GPATCH8: variants seen among roughly 807,000 people sequenced by gnomAD.
GPATCH8 encodes the protein G-patch domain containing 8.
In GPATCH8, 18 loss-of-function variants were observed where a neutral mutation model predicts 118.3. The ratio of observed to expected loss-of-function variants is 0.15; its 90% CI spans 0.11 to 0.23. GPATCH8 has a LOEUF of 0.23. GPATCH8 is among the 10% of genes least tolerant of loss of function. GPATCH8 has a pLI of 1.00. For synonymous variants in GPATCH8, 659 were observed against 684.7 expected (o/e 0.96, Z 0.59); for missense variants, 1,631 against 1,873.8 (o/e 0.87, Z 2.39).
rs771626221 is a variant in GPATCH8 at position 44,398,893 on chromosome 17, C to T, written c.3184G>A (p.Gly1062Ser). 1.2e-6 allele frequency: 2 copies of T among 1,614,130 alleles called. No homozygotes were observed. Among genetic ancestry groups the T allele is most frequent in the South Asian group, 2.2e-5 (2 of 91,082 alleles). Residue 1062 changes from glycine (G) to serine (S), a missense_variant, in exon 8 of 8, where the codon GGT (glycine) becomes AGT (serine). Gly to Ser is a moderately conservative substitution (Grantham distance 56). Coordinates refer to ENST00000591680, the MANE Select transcript of GPATCH8 (RefSeq NM_001002909.4). ...ATGTTGCTGTTCTGGGAAGGTGGAC[C>T]TGTTGCTTTACTGTCATCTCCTCTG... is the stretch of plus-strand genomic sequence containing the variant. ...DGRGDDSKATGPPSQNSNIGT... is the reference protein window; with the variant it reads ...DGRGDDSKATSPPSQNSNIGT...
At chr17:44,496,939 A>T (rs1439460028) in intron 1 of GPATCH8, among the ~76,000 whole-genome samples, 1 of 152,198 alleles carries the variant, frequency 6.6e-6, no homozygotes, top group African/African-American at 2.4e-5. Context: ...ATAAGTGGAA[A>T]ATTATTACAA....
chr17:44,404,661 TAGTA>T (rs759027012), intron 7 of GPATCH8, among the ~76,000 whole-genome samples: 1 of 152,046 alleles, frequency 6.6e-6, no homozygotes. Context: ...GTCACATAAA[TAGTA>T]AGAAAAATAT....
chr17:44,475,922 A>G (rs1967733079), intron 1 of GPATCH8, among the ~76,000 whole-genome samples: 3 of 152,020 alleles, frequency 2.0e-5, no homozygotes, highest in Non-Finnish European at 1.5e-5. Flanking sequence ...CCAGCTACTT[A>G]GGGGGCTGTG....
chr17:44,450,252 A>G (rs1240555493), intron 3 of GPATCH8, among the ~76,000 whole-genome samples: 1 of 152,228 alleles, frequency 6.6e-6, no homozygotes, highest in African/African-American at 2.4e-5. Flanking sequence ...TTTATCAATT[A>G]GAACATTTCA....
chr17:44,435,185 C>A, intron 4 of GPATCH8, 34 bp from the exon 5 acceptor site: 1 of 930,586 alleles, frequency 1.1e-6, no homozygotes, highest in Middle Eastern at 2.1e-4. Flanking sequence ...GATTTAATTC[C>A]TAAAGTACCC....
chr17:44,444,721 C>T (rs898251159), intron 3 of GPATCH8, among the ~76,000 whole-genome samples: 6 of 151,910 alleles, frequency 3.9e-5, no homozygotes, highest in African/African-American at 9.7e-5. Context: ...TGCAGTGAGC[C>T]GAGATCACAC....
chr17:44,398,637 A>C lies in GPATCH8; in HGVS notation c.3440T>G (p.Leu1147Arg). Residue 1147 changes from leucine to arginine, a missense_variant, in exon 8 of 8, where the codon CTG becomes CGG. Physicochemically the swap from Leu to Arg is moderately radical, Grantham distance 102 (BLOSUM62 -2). Around this residue, in one of 8 missense-constraint regions of GPATCH8, gnomAD observed 922 missense variants for 879.7 expected, o/e 1.05. Coordinates refer to ENST00000591680, the MANE Select transcript of GPATCH8 (RefSeq NM_001002909.4). ...TCGGGTAGCTGGGAGCTTCCCTATC[A>C]GTGGAAGGACAGGCTTATTGCCAAG... The part of the protein sequence containing the change: ...PSLGNKPVLP[L>R]IGKLPATRKP... 1 of 1,548,318 alleles carries C rather than the reference A, an allele frequency of 6.5e-7. No individual in the cohort carries two copies. The highest frequency in any genetic ancestry group is 1.3e-5 in the South Asian group (1 of 78,436).
At chr17:44,450,275 C>G (rs1479409788) in intron 3 of GPATCH8, among the ~76,000 whole-genome samples, 2 of 152,176 alleles carry the variant, frequency 1.3e-5, no homozygotes, top group African/African-American at 4.8e-5. Flanking sequence ...GAAAAGGAAT[C>G]TGAATTCCTG....
chr17:44,413,578 C>T (rs770294327), intron 6 of GPATCH8, among the ~76,000 whole-genome samples: 62 of 152,154 alleles, frequency 4.1e-4, no homozygotes, highest in African/African-American at 1.4e-3. Context: ...CGAGTTCAAG[C>T]GATTCTCCTG....
intron 5 of GPATCH8, among the ~76,000 whole-genome samples, chr17:44,426,479 C>T (rs757050933): frequency 2.0e-5 from 3 of 151,792 alleles, no homozygotes; most frequent in Non-Finnish European, 4.4e-5. Context: ...TGTCACTTGC[C>T]TTTGGTCCCA....
chr17:44,420,483 T>G (rs1472389708), intron 6 of GPATCH8, among the ~76,000 whole-genome samples: 1 of 152,192 alleles, frequency 6.6e-6, no homozygotes, highest in African/African-American at 2.4e-5. Context: ...TTACCAGCAT[T>G]GCTGGCCTCA....
chr17:44,395,798 T>C lies in GPATCH8; in HGVS notation c.*1770A>G, dbSNP rs1217489182. On this transcript the variant is annotated 3_prime_UTR_variant, in exon 8 of 8. Coordinates refer to ENST00000591680, the MANE Select transcript of GPATCH8 (RefSeq NM_001002909.4). The stretch of plus-strand genomic sequence containing the variant: ...TGTCAAGTGACCAACCAACCAATTC[T>C]AGCCACACGAATAGTTAGGAAAATG... 4.4e-6 allele frequency: 2 copies of C among 454,142 alleles called. No homozygotes were observed. Among genetic ancestry groups the C allele is most frequent in the Admixed American group, 2.3e-5 (1 of 42,582 alleles). 28.1% of individuals were successfully genotyped at this position (454,142 alleles called of 1,614,324 possible).
intron 6 of GPATCH8, among the ~76,000 whole-genome samples, chr17:44,415,538 A>G (rs1598434632): frequency 6.6e-6 from 1 of 152,300 alleles, no homozygotes; most frequent in South Asian, 2.1e-4. Context: ...CTCAATCTGT[A>G]TTTACATAGC....
In GPATCH8 at chr17:44,399,215, T is replaced by G. The variant is rs2048907539; in HGVS notation, c.2862A>C (p.Ser954=). 1 of 1,614,048 alleles carries G rather than the reference T, an allele frequency of 6.2e-7. No homozygotes were observed. The highest frequency in any genetic ancestry group is 1.3e-5 in the African/African-American group (1 of 75,024). ...SRSRSHTRER[S]RSRGRSRSSS... ...TGCTGCGGCTGCGGCCCCGGGATCT[T>G]GAGCGCTCTCTGGTATGACTCCGAG... Residue 954 remains serine (S), a synonymous_variant, in exon 8 of 8, where the codon TCA becomes TCC. Coordinates refer to ENST00000591680, the MANE Select transcript of GPATCH8 (RefSeq NM_001002909.4).
intron 3 of GPATCH8, among the ~76,000 whole-genome samples, chr17:44,455,415 C>T (rs2051291074): frequency 6.6e-6 from 1 of 151,708 alleles, no homozygotes; most frequent in African/African-American, 2.4e-5. Context: ...GCAGGAGAAT[C>T]GCTTGAACCA....
intron 6 of GPATCH8, among the ~76,000 whole-genome samples, chr17:44,411,981 G>A (rs1284548494): frequency 3.3e-5 from 5 of 152,142 alleles, no homozygotes; most frequent in Non-Finnish European, 7.4e-5. Context: ...GGAGTACAAT[G>A]GCGCAATCTC....
At chr17:44,402,645 C>CA (rs2049070969) in intron 7 of GPATCH8, among the ~76,000 whole-genome samples, 1 of 152,110 alleles carries the variant, frequency 6.6e-6, no homozygotes, top group Non-Finnish European at 1.5e-5. Context: ...AAAATTTCCC[C>CA]ATGCTTTCAA....
At chr17:44,403,911 C>T (rs1290766178) in intron 7 of GPATCH8, among the ~76,000 whole-genome samples, 1 of 151,532 alleles carries the variant, frequency 6.6e-6, no homozygotes, top group African/African-American at 2.4e-5. Flanking sequence ...TCAGGCTGGT[C>T]TCAAGCTCCT....
intron 1 of GPATCH8, among the ~76,000 whole-genome samples, chr17:44,481,928 A>G (rs1385402517): frequency 6.6e-6 from 1 of 151,924 alleles, no homozygotes; most frequent in African/African-American, 2.4e-5. Context: ...TTGAGACCTG[A>G]CTGGCCAACA....
Sources: allele counts gnomAD v4.1 joint callset (sites outside exome capture counted in the v4.1 genomes callset), GRCh38; gene constraint gnomAD v4.1.1; regional missense constraint gnomAD v4.1.1; transcripts MANE v1.5; gene names NCBI Gene and HGNC (gene_info 2026-07-23, HGNC 2026-07-21).